The following CAMK2A variants were observed in gnomAD, a reference collection of about 807,000 sequenced individuals.
CAMK2A encodes calcium/calmodulin dependent protein kinase II alpha, also known as calcium/calmodulin-dependent protein kinase type II subunit alpha.
A neutral mutation model predicts 79.2 loss-of-function variants in CAMK2A; 7 were observed. The observed-to-expected ratio is 0.09, with a 90% CI of 0.05 to 0.17. CAMK2A has a LOEUF of 0.17. CAMK2A is among the 10% of genes least tolerant of loss of function. CAMK2A has a pLI of 1.00. For synonymous variants in CAMK2A, 242 were observed against 251.7 expected (o/e 0.96, Z 0.36); for missense variants, 214 against 646.4 (o/e 0.33, Z 7.25).
chr5:150,272,998 A>C, intron 2 of CAMK2A, 67 bp downstream of exon 2: 1 of 1,273,618 alleles, frequency 7.9e-7, no homozygotes, highest in South Asian at 1.2e-5. Context: ...GGTCTAAACC[A>C]AGCAGTACAG....
chr5:150,262,809 G>T (rs1580935219), intron 3 of CAMK2A, among the ~76,000 whole-genome samples: 1 of 152,140 alleles, frequency 6.6e-6, no homozygotes, highest in Admixed American at 6.5e-5. Flanking sequence ...AGGCTAAGAG[G>T]TTCACAGTCT....
At chr5:150,264,869 C>T (rs998762994) in intron 3 of CAMK2A, 87 bp downstream of exon 3, 7 of 995,620 alleles carry the variant, frequency 7.0e-6, no homozygotes, top group African/African-American at 1.6e-5. Context: ...AGCTGCTCTC[C>T]ACCCAACCCG....
At chr5:150,286,403 A>C (rs962178072) in intron 1 of CAMK2A, among the ~76,000 whole-genome samples, 9 of 152,186 alleles carry the variant, frequency 5.9e-5, no homozygotes, top group Admixed American at 2.0e-4. Flanking sequence ...AGCTACTCTC[A>C]CATCCATAGC....
intron 2 of CAMK2A, among the ~76,000 whole-genome samples, chr5:150,266,155 G>T (rs1756503955): frequency 6.6e-6 from 1 of 152,062 alleles, no homozygotes; most frequent in Non-Finnish European, 1.5e-5. Flanking sequence ...CTTCTGGACT[G>T]CTGTGCAAGT....
At chr5:150,229,636 G>A (rs1438396241) in intron 16 of CAMK2A, among the ~76,000 whole-genome samples, 1 of 152,196 alleles carries the variant, frequency 6.6e-6, no homozygotes, top group African/African-American at 2.4e-5. Context: ...GGGTTCCCCA[G>A]GACCCCCAGA....
intron 13 of CAMK2A, among the ~76,000 whole-genome samples, chr5:150,240,102 T>A (rs1755272951): frequency 6.6e-6 from 1 of 152,132 alleles, no homozygotes; most frequent in Non-Finnish European, 1.5e-5. Flanking sequence ...CAGAATCCAA[T>A]GCTCTTGAAG....
At chr5:150,246,093 G>A (rs546267225) in intron 12 of CAMK2A, among the ~76,000 whole-genome samples, 1 of 152,344 alleles carries the variant, frequency 6.6e-6, no homozygotes, top group Non-Finnish European at 1.5e-5. Context: ...GACTTCTCCT[G>A]GTGGCCTTGA....
intron 1 of CAMK2A, among the ~76,000 whole-genome samples, chr5:150,276,979 C>T (rs1319047966): frequency 1.3e-5 from 2 of 152,154 alleles, no homozygotes; most frequent in African/African-American, 4.8e-5. Flanking sequence ...CCCGCAATCC[C>T]AGCACTTTGG....
intron 7 of CAMK2A, among the ~76,000 whole-genome samples, chr5:150,253,025 TA>T (rs750591181): frequency 5.9e-4 from 90 of 152,366 alleles, no homozygotes; most frequent in African/African-American, 1.8e-3. Flanking sequence ...CTATCCCTTT[TA>T]AACTTTCTTG....
chr5:150,250,722 G>C lies in CAMK2A; in HGVS notation c.782C>G (p.Thr261Arg). 1 of 1,614,146 alleles carries C rather than the reference G, an allele frequency of 6.2e-7. No homozygotes were observed. Among genetic ancestry groups the C allele is most frequent in the Non-Finnish European group, 8.5e-7 (1 of 1,179,996 alleles). Residue 261 changes from threonine to arginine, a missense_variant, in exon 10 of 19, where the codon ACA (threonine) becomes AGA (arginine). Thr to Arg is a moderately conservative substitution (Grantham distance 71). Around this residue, in one of 4 missense-constraint regions of CAMK2A, gnomAD observed 18 missense variants for 34.9 expected, o/e 0.52. Coordinates refer to ENST00000671881, the MANE Select transcript of CAMK2A (RefSeq NM_015981.4). ...MLTINPSKRI[T>R]AAEALKHPWI... ...GGGGTGCTTAAGGGCTTCGGCAGCT[G>C]TGATGCGTTTGGATGGGTTAATGGT... is the stretch of plus-strand genomic sequence containing the variant.
rs572357228 is a variant in CAMK2A, at chr5:150,284,571, G to A, written c.62+4993C>T. Among the ~76,000 whole-genome samples the A allele has an allele frequency of 3.9e-5, 6 of 152,280 alleles. No homozygotes were observed. Among genetic ancestry groups the A allele is most frequent in the Non-Finnish European group, 5.9e-5 (4 of 68,016 alleles). ...TGTGTGGGGGCGGCTGCGCGGGGGC[G>A]GAGGGCTGCAGCGTGCACCAGAACA... On this transcript the variant is annotated intron_variant, in intron 1 of 18. Transcript: ENST00000671881. The surrounding 1 kb of genome is among the most constrained non-coding windows in gnomAD (Gnocchi z 5.3).
chr5:150,249,786 G>A (rs1304538591), intron 11 of CAMK2A, among the ~76,000 whole-genome samples: 3 of 152,128 alleles, frequency 2.0e-5, no homozygotes, highest in Non-Finnish European at 4.4e-5. Context: ...GACCTCAGGT[G>A]ATCTGCCCAC....
intron 11 of CAMK2A, 118 bp from the exon 12 acceptor site, chr5:150,247,932 G>A (rs1473278466): frequency 3.7e-6 from 3 of 805,400 alleles, no homozygotes; most frequent in Admixed American, 2.1e-5. Context: ...CAGAGAAGAA[G>A]CCAAAGCCTC....
Position 150,222,593 on chromosome 5 carries a change from G to A in CAMK2A, c.*117C>T. The A allele has an allele frequency of 9.0e-7, 1 of 1,108,428 alleles. No homozygotes were observed. Among genetic ancestry groups the A allele is most frequent in the Non-Finnish European group, 1.4e-6 (1 of 727,834 alleles). 68.7% of individuals were successfully genotyped at this position (1,108,428 alleles called of 1,614,324 possible). On this transcript the variant is annotated 3_prime_UTR_variant, in exon 19 of 19. Coordinates refer to ENST00000671881, the MANE Select transcript of CAMK2A (RefSeq NM_015981.4). The stretch of plus-strand genomic sequence containing the variant: ...TGATGCAGGTACAGAAGTGACGGTG[G>A]TGGGGTGATGACATGGGAGAATTCC...
intron 1 of CAMK2A, among the ~76,000 whole-genome samples, chr5:150,283,055 C>T (rs1757279878): frequency 6.6e-6 from 1 of 152,222 alleles, no homozygotes; most frequent in East Asian, 1.9e-4. Context: ...GACATAGTCC[C>T]CAAGGGATCT....
chr5:150,283,880 T>C (rs537946215), intron 1 of CAMK2A, among the ~76,000 whole-genome samples: 32 of 152,310 alleles, frequency 2.1e-4, no homozygotes, highest in African/African-American at 7.2e-4. Context: ...CCTCTTCTTA[T>C]ATGACCCTAA....
In CAMK2A at chr5:150,273,081, C is replaced by T. The variant is rs1329754676; in HGVS notation, c.141G>A (p.Lys47=). 3.7e-6 allele frequency: 6 copies of T among 1,613,584 alleles called. No homozygotes were observed. In the South Asian group the frequency reaches 5.5e-5, roughly 15 times the overall value. The change falls in exon 2 of 19, where the codon AAG becomes AAA. Residue 47 remains lysine, a synonymous_variant. Transcript: ENST00000671881. ...QEYAAKIINT[K]KLSARDHQKL... is the part of the protein sequence containing the mutation. Reference sequence around the variant, plus strand: ...GGCACCTACCTCTGGCTGACAGCTTCTTTGTGTTGATGATCTTGGCAGCAT... The same window carrying T: ...GGCACCTACCTCTGGCTGACAGCTTTTTTGTGTTGATGATCTTGGCAGCAT...
intron 11 of CAMK2A, among the ~76,000 whole-genome samples, chr5:150,249,601 T>A (rs1192485721): frequency 6.6e-6 from 1 of 151,272 alleles, no homozygotes; most frequent in African/African-American, 2.4e-5. Context: ...CAGGCTGGAG[T>A]GCAATGGCAC....
intron 1 of CAMK2A, among the ~76,000 whole-genome samples, chr5:150,279,258 A>T (rs1757108303): frequency 1.3e-5 from 2 of 152,316 alleles, no homozygotes; most frequent in South Asian, 4.1e-4. Flanking sequence ...TAATCTAAAT[A>T]ACTATATGTG....
Sources: gnomAD v4.1 joint callset for allele counts (sites outside exome capture counted in the v4.1 genomes callset) on GRCh38, gnomAD v4.1.1 for gene constraint, gnomAD v4.1.1 regional missense constraint, Gnocchi (gnomAD v3.1) non-coding constraint, MANE v1.5 for transcripts, NCBI Gene and HGNC (gene_info 2026-07-23, HGNC 2026-07-21) for gene names.